The following LARP1 variants were observed in gnomAD, a reference collection of about 807,000 sequenced individuals.
LARP1 encodes la-related protein 1.
A neutral mutation model predicts 122.7 loss-of-function variants in LARP1; 36 were observed. The ratio of observed to expected loss-of-function variants is 0.29; its 90% confidence interval spans 0.22 to 0.39. The LOEUF is 0.39. Ranked by LOEUF, LARP1 falls within the 10% of genes least tolerant of loss-of-function variation. LARP1 has a pLI of 1.00. For missense variants in LARP1, 1,040 were observed against 1,403.6 expected, an observed-to-expected ratio of 0.74 and a Z score of 4.14; for synonymous variants, 539 against 528.7, an observed-to-expected ratio of 1.02 and a Z score of -0.27.
chr5:154,751,894 GA>G (rs1753519258), upstream of LARP1, among the ~76,000 whole-genome samples: 1 of 152,082 alleles, frequency 6.6e-6, no homozygotes, highest in Non-Finnish European at 1.5e-5. Flanking sequence ...ACTGTATTTA[GA>G]AATATATGCA....
intron 1 of LARP1, among the ~76,000 whole-genome samples, chr5:154,695,657 A>T (rs1754436090): frequency 6.6e-6 from 1 of 150,660 alleles, no homozygotes; most frequent in African/African-American, 2.4e-5. Flanking sequence ...GCTCCGTCTC[A>T]AAAAAAAGAG....
chr5:154,757,784 T>TC (rs1417416727), intron 1 of LARP1, among the ~76,000 whole-genome samples: 2 of 91,970 alleles, frequency 2.2e-5, no homozygotes, highest in South Asian at 5.3e-4. Flanking sequence ...TTCTCTTCCT[T>TC]CCCCCCTGCT....
At chr5:154,768,874 C>T (rs1489331189) in intron 1 of LARP1, among the ~76,000 whole-genome samples, 2 of 152,200 alleles carry the variant, frequency 1.3e-5, no homozygotes, top group Non-Finnish European at 2.9e-5. Context: ...AACCACCTTG[C>T]CCAGCTGTAT....
upstream of LARP1, among the ~76,000 whole-genome samples, chr5:154,708,680 C>A (rs984571472): frequency 1.7e-4 from 26 of 152,096 alleles, no homozygotes; most frequent in Non-Finnish European, 3.4e-4. Flanking sequence ...ATGGTGATCT[C>A]GGCTCACCAC....
At chr5:154,790,836 CA>C in intron 3 of LARP1, 126 bp downstream of exon 3, 1 of 889,240 alleles carries the variant, frequency 1.1e-6, no homozygotes, top group Non-Finnish European at 1.8e-6. Flanking sequence ...TTTTTCCCCC[CA>C]ACAGAGTTTC....
chr5:154,685,360 C>T (rs552396781), intron 1 of LARP1, among the ~76,000 whole-genome samples: 38 of 152,290 alleles, frequency 2.5e-4, no homozygotes, highest in African/African-American at 8.7e-4. Flanking sequence ...TCCACCACAA[C>T]GGCCACCTAT....
chr5:154,750,306 G>A (rs1029036901), intron 1 of LARP1, among the ~76,000 whole-genome samples: 5 of 148,978 alleles, frequency 3.4e-5, no homozygotes, highest in African/African-American at 1.2e-4. Flanking sequence ...GTCTCACTCT[G>A]TTCCCCAGGC....
chr5:154,772,419 CT>C (rs1335641921), intron 1 of LARP1, among the ~76,000 whole-genome samples: 1 of 151,988 alleles, frequency 6.6e-6, no homozygotes, highest in African/African-American at 2.4e-5. Flanking sequence ...ATATATACAC[CT>C]TTTTAATAAA....
intron 1 of LARP1, among the ~76,000 whole-genome samples, chr5:154,699,919 G>T (rs1245920076): frequency 2.0e-5 from 3 of 152,192 alleles, no homozygotes; most frequent in Non-Finnish European, 4.4e-5. Context: ...AGGAAAACAG[G>T]TTTTCCCAAG....
intron 1 of LARP1, among the ~76,000 whole-genome samples, chr5:154,787,690 C>T (rs551468148): frequency 6.6e-6 from 1 of 152,280 alleles, no homozygotes; most frequent in East Asian, 1.9e-4. Flanking sequence ...CAACCTGAAG[C>T]CCTACCTGGG....
At chr5:154,706,354 C>T (rs1754950135) in intron 1 of LARP1, among the ~76,000 whole-genome samples, 1 of 150,820 alleles carries the variant, frequency 6.6e-6, no homozygotes, top group Non-Finnish European at 1.5e-5. Context: ...TACATATACA[C>T]CATGGAATAC....
intron 1 of LARP1, among the ~76,000 whole-genome samples, chr5:154,763,164 G>A (rs1754614465): frequency 6.6e-6 from 1 of 151,036 alleles, no homozygotes; most frequent in Non-Finnish European, 1.5e-5. Context: ...GGGTTCAAGC[G>A]ATTCTCCTGC....
intron 15 of LARP1, among the ~76,000 whole-genome samples, chr5:154,807,345 T>G (rs569034225): frequency 1.6e-4 from 24 of 152,316 alleles, no homozygotes; most frequent in South Asian, 1.0e-3. Flanking sequence ...TTATTTTGGT[T>G]AGAAGAGTAG....
At chr5:154,768,076 G>A (rs528298396) in intron 1 of LARP1, among the ~76,000 whole-genome samples, 1 of 152,260 alleles carries the variant, frequency 6.6e-6, no homozygotes, top group Non-Finnish European at 1.5e-5. Context: ...TTTCCACTTG[G>A]CCTAAAGCTC....
intron 1 of LARP1, among the ~76,000 whole-genome samples, chr5:154,685,115 G>T (rs545177498): frequency 6.6e-6 from 1 of 152,028 alleles, no homozygotes; most frequent in Non-Finnish European, 1.5e-5. Context: ...ATGGTGACGC[G>T]CACCTGTAAT....
chr5:154,780,015 G>T (rs975466208), intron 1 of LARP1, among the ~76,000 whole-genome samples: 1 of 152,138 alleles, frequency 6.6e-6, no homozygotes, highest in Non-Finnish European at 1.5e-5. Flanking sequence ...ACCGAGAGAG[G>T]CAAATTAGCA....
intron 1 of LARP1, among the ~76,000 whole-genome samples, chr5:154,741,630 C>T (rs377653128): frequency 1.3e-5 from 2 of 151,968 alleles, no homozygotes; most frequent in Admixed American, 6.6e-5. Flanking sequence ...CCTAGGGGCC[C>T]GCAGGCTGGG....
chr5:154,801,387 C>CT (rs1324193678), intron 10 of LARP1, among the ~76,000 whole-genome samples: 4 of 152,204 alleles, frequency 2.6e-5, no homozygotes, highest in African/African-American at 9.6e-5. Flanking sequence ...CACAAACCTG[C>CT]TTATAGCCTT....
chr5:154,763,353 C>T (rs931176862), intron 1 of LARP1, among the ~76,000 whole-genome samples: 41 of 152,096 alleles, frequency 2.7e-4, no homozygotes, highest in African/African-American at 9.7e-4. Context: ...TTAGCCACCG[C>T]GCCTGGCCCA....
Sources: allele counts gnomAD v4.1 joint callset (sites outside exome capture counted in the v4.1 genomes callset), GRCh38; gene constraint gnomAD v4.1.1; transcripts MANE v1.5; gene names NCBI Gene and HGNC (gene_info 2026-07-23, HGNC 2026-07-21).